The following GALNT13 variants were observed in gnomAD, a reference collection of about 807,000 sequenced individuals.
GALNT13 encodes UDP-GalNAc:polypeptide N-acetylgalactosaminyltransferase 13.
GALNT13 carries 28 observed loss-of-function variants against 64.2 expected under a neutral mutation model. The ratio of observed to expected loss-of-function variants is 0.44; its 90% CI spans 0.32 to 0.60. The LOEUF (loss-of-function observed/expected upper bound fraction) is 0.60, where lower values mean the gene tolerates loss of function less well. Among genes scored for constraint, GALNT13 ranks in the 20% least tolerant of loss-of-function variants. The pLI is 0.05. For synonymous variants in GALNT13, 214 were observed against 224.6 expected, an observed-to-expected ratio of 0.95 and a Z score of 0.42; for missense variants, 577 against 669.8, an observed-to-expected ratio of 0.86 and a Z score of 1.53.
the GALNT13 span, among the ~76,000 whole-genome samples, chr2:153,142,291 G>C: frequency 6.6e-6 from 1 of 152,058 alleles, no homozygotes; most frequent in Non-Finnish European, 1.5e-5. Context: ...GGGCATGTTT[G>C]GGAAAGCCGC....
At chr2:154,420,820 A>G (rs1700216553) in intron 11 of GALNT13, among the ~76,000 whole-genome samples, 1 of 152,082 alleles carries the variant, frequency 6.6e-6, no homozygotes, top group South Asian at 2.1e-4. Flanking sequence ...AATGTCTGTG[A>G]TTTCTAAATT....
the GALNT13 span, among the ~76,000 whole-genome samples, chr2:153,590,653 C>T: frequency 6.6e-6 from 1 of 152,030 alleles, no homozygotes; most frequent in African/African-American, 2.4e-5. Flanking sequence ...TACAGCAATG[C>T]AAGGGTGGTT....
the GALNT13 span, among the ~76,000 whole-genome samples, chr2:153,730,600 A>G: frequency 2.6e-4 from 39 of 152,104 alleles, no homozygotes; most frequent in Admixed American, 2.5e-3. Context: ...ATTATCAACA[A>G]ATAAACATAC....
chr2:154,126,837 G>T (rs1351142092), intron 3 of GALNT13, among the ~76,000 whole-genome samples: 1 of 151,892 alleles, frequency 6.6e-6, no homozygotes, highest in South Asian at 2.1e-4. Flanking sequence ...TCACTTGGGG[G>T]TCTCCCATAT....
chr2:153,344,515 G>A, the GALNT13 span, among the ~76,000 whole-genome samples: 3 of 152,076 alleles, frequency 2.0e-5, no homozygotes, highest in African/African-American at 7.2e-5. Flanking sequence ...TTTTTGAGAC[G>A]GAGCCTCATT....
the GALNT13 span, among the ~76,000 whole-genome samples, chr2:153,674,703 A>T: frequency 1.3e-5 from 2 of 152,184 alleles, no homozygotes; most frequent in Non-Finnish European, 2.9e-5. Flanking sequence ...GACAAATAGG[A>T]TCTAATTAAA....
At chr2:154,324,856 T>C (rs963155032) in intron 9 of GALNT13, among the ~76,000 whole-genome samples, 64 of 152,130 alleles carry the variant, frequency 4.2e-4, no homozygotes, top group African/African-American at 1.2e-3. Flanking sequence ...GTGGAAATTC[T>C]TCTGCCTCAC....
intron 3 of GALNT13, among the ~76,000 whole-genome samples, chr2:154,011,487 AT>A (rs1174921784): frequency 6.6e-6 from 1 of 152,046 alleles, no homozygotes; most frequent in Non-Finnish European, 1.5e-5. Context: ...TTCATGGCTG[AT>A]TGTGTGTTTG....
chr2:154,450,055 A>G (rs1240288953), intron 12 of GALNT13, among the ~76,000 whole-genome samples: 2 of 152,176 alleles, frequency 1.3e-5, no homozygotes, highest in South Asian at 2.1e-4. Flanking sequence ...ACACATGCCT[A>G]AGAAAACTAA....
At chr2:154,289,691 A>C (rs933433274) in intron 8 of GALNT13, among the ~76,000 whole-genome samples, 18 of 152,236 alleles carry the variant, frequency 1.2e-4, no homozygotes, top group Admixed American at 1.2e-3. Context: ...AAAGCATATC[A>C]ATCCCCAAGA....
At chr2:154,068,244 G>C (rs1283699514) in intron 3 of GALNT13, among the ~76,000 whole-genome samples, 1 of 151,816 alleles carries the variant, frequency 6.6e-6, no homozygotes, top group East Asian at 1.9e-4. Flanking sequence ...ACAAAAGGGA[G>C]CCCTCATACC....
At chr2:154,393,516 G>A (rs13010961) in intron 9 of GALNT13, among the ~76,000 whole-genome samples, 4 of 151,994 alleles carry the variant, frequency 2.6e-5, no homozygotes, top group African/African-American at 9.7e-5. Flanking sequence ...TCACTTCTAA[G>A]AAGAAAAACA....
At chr2:153,109,240 T>C in the GALNT13 span, among the ~76,000 whole-genome samples, 22 of 152,140 alleles carry the variant, frequency 1.4e-4, no homozygotes, top group African/African-American at 4.8e-4. Context: ...ACCTGGCTAA[T>C]AAAACAGTCA....
chr2:153,198,303 G>T, the GALNT13 span, among the ~76,000 whole-genome samples: 7 of 152,174 alleles, frequency 4.6e-5, no homozygotes, highest in African/African-American at 1.4e-4. Flanking sequence ...CAGTCCCAGG[G>T]CCTGTGGGAG....
intron 2 of GALNT13, among the ~76,000 whole-genome samples, chr2:153,940,753 TCTGGAAGCATTACCAG>T (rs1639207254): frequency 6.6e-6 from 1 of 152,162 alleles, no homozygotes; most frequent in African/African-American, 2.4e-5. Flanking sequence ...GCCTGAAACT[TCTGGAAGCATTACCAG>T]CAGCCTTACA....
intron 8 of GALNT13, chr2:154,287,187 C>A: frequency 1.4e-6 from 2 of 1,480,996 alleles, no homozygotes; most frequent in Admixed American, 1.7e-5. Context: ...CAGCAGGAAG[C>A]AGAGAGGGCC....
intron 2 of GALNT13, among the ~76,000 whole-genome samples, chr2:153,926,071 AT>A (rs1200984113): frequency 6.6e-6 from 1 of 151,634 alleles, no homozygotes; most frequent in African/African-American, 2.4e-5. Context: ...GTCAATCATG[AT>A]TTTTTTCAAA....
At chr2:153,073,925 T>C in the GALNT13 span, among the ~76,000 whole-genome samples, 1 of 152,280 alleles carries the variant, frequency 6.6e-6, no homozygotes, top group East Asian at 1.9e-4. Context: ...TAGATTCTCA[T>C]AGTGTGGACT....
intron 8 of GALNT13, among the ~76,000 whole-genome samples, chr2:154,288,625 G>A (rs1692415736): frequency 6.6e-6 from 1 of 152,174 alleles, no homozygotes; most frequent in Non-Finnish European, 1.5e-5. Flanking sequence ...TGGCCCAAAT[G>A]AAGAGGCCTA....
Sources: allele counts gnomAD v4.1 joint callset (sites outside exome capture counted in the v4.1 genomes callset), GRCh38; gene constraint gnomAD v4.1.1; transcripts MANE v1.5; gene names NCBI Gene and HGNC (gene_info 2026-07-23, HGNC 2026-07-21).